Variants in SAMMSON observed in about 807,000 individuals in gnomAD.
SAMMSON encodes survival associated mitochondrial melanoma specific oncogenic non-coding RNA, also known as long intergenic non-protein coding RNA 1212.
intron 4 of SAMMSON, among the ~76,000 whole-genome samples, chr3:70,117,372 A>G (rs562770182): frequency 6.6e-6 from 1 of 152,360 alleles, no homozygotes; most frequent in South Asian, 2.1e-4. Flanking sequence ...GAATGGAAAT[A>G]TGACATTCAT....
At chr3:70,429,694 G>A (rs977451438) in intron 2 of SAMMSON, among the ~76,000 whole-genome samples, 2 of 152,150 alleles carry the variant, frequency 1.3e-5, no homozygotes, top group African/African-American at 4.8e-5. Context: ...TCCCTTGGAA[G>A]TTGGATTCCT....
intron 9 of SAMMSON, among the ~76,000 whole-genome samples, chr3:70,388,714 C>G (rs757368894): frequency 3.3e-5 from 5 of 152,066 alleles, no homozygotes; most frequent in African/African-American, 1.2e-4. Context: ...GAACATGATG[C>G]CTTTAGTTGG....
chr3:70,395,301 T>TTCTCC (rs1161273252), intron 2 of SAMMSON, among the ~76,000 whole-genome samples: 28 of 149,482 alleles, frequency 1.9e-4, no homozygotes, highest in Admixed American at 1.8e-3. Flanking sequence ...TGCATCTGAG[T>TTCTCC]TCTCCTCTCC....
At chr3:70,229,622 G>A (rs965115172) in intron 4 of SAMMSON, among the ~76,000 whole-genome samples, 5 of 152,060 alleles carry the variant, frequency 3.3e-5, no homozygotes, top group African/African-American at 4.8e-5. Flanking sequence ...GATTCTTCAC[G>A]TTTTATTCTC....
chr3:70,434,269 A>G (rs963528972), intron 2 of SAMMSON, among the ~76,000 whole-genome samples: 16 of 152,136 alleles, frequency 1.1e-4, no homozygotes, highest in African/African-American at 3.6e-4. Context: ...TATATGGAGT[A>G]TTTTTTCTTA....
At chr3:70,035,043 G>A (rs150678315) in intron 3 of SAMMSON, among the ~76,000 whole-genome samples, 14 of 152,172 alleles carry the variant, frequency 9.2e-5, no homozygotes, top group African/African-American at 2.4e-4. Context: ...TGGATTCTCC[G>A]TTTAGGATCT....
chr3:70,186,976 TCTC>T (rs1481564301), intron 4 of SAMMSON, among the ~76,000 whole-genome samples: 2 of 152,152 alleles, frequency 1.3e-5, no homozygotes, highest in Non-Finnish European at 2.9e-5. Context: ...GTCAATGTCT[TCTC>T]CTGTTCTAGC....
At chr3:70,278,496 G>T (rs138207949) in intron 6 of SAMMSON, among the ~76,000 whole-genome samples, 1 of 152,218 alleles carries the variant, frequency 6.6e-6, no homozygotes, top group Non-Finnish European at 1.5e-5. Flanking sequence ...TTCCAGAATG[G>T]TCCCAATTTA....
intron 4 of SAMMSON, among the ~76,000 whole-genome samples, chr3:70,210,738 C>A (rs754965595): frequency 4.0e-5 from 6 of 151,660 alleles, no homozygotes; most frequent in Non-Finnish European, 8.8e-5. Flanking sequence ...TAGTTAAAAA[C>A]AAACCAAAAT....
intron 4 of SAMMSON, among the ~76,000 whole-genome samples, chr3:70,212,326 A>T (rs1406484373): frequency 6.6e-6 from 1 of 152,090 alleles, no homozygotes; most frequent in African/African-American, 2.4e-5. Flanking sequence ...TTCAATTATG[A>T]TGCCTCTTTC....
At chr3:70,249,383 G>A (rs138891447) in intron 5 of SAMMSON, among the ~76,000 whole-genome samples, 2 of 152,222 alleles carry the variant, frequency 1.3e-5, no homozygotes, top group African/African-American at 4.8e-5. Flanking sequence ...GTGCAAATAT[G>A]AGCATTGATT....
At chr3:70,143,644 G>T (rs1245607045) in intron 4 of SAMMSON, among the ~76,000 whole-genome samples, 1 of 152,096 alleles carries the variant, frequency 6.6e-6, no homozygotes, top group Non-Finnish European at 1.5e-5. Context: ...TAACACTCCA[G>T]CAGTTTGCTG....
intron 6 of SAMMSON, among the ~76,000 whole-genome samples, chr3:70,284,916 G>A (rs926370744): frequency 1.3e-5 from 2 of 152,070 alleles, no homozygotes; most frequent in African/African-American, 4.8e-5. Flanking sequence ...AAACAAAAAA[G>A]AGTAAATGGC....
At chr3:70,032,492 C>G (rs1576103153) in intron 3 of SAMMSON, among the ~76,000 whole-genome samples, 1 of 152,158 alleles carries the variant, frequency 6.6e-6, no homozygotes, top group Admixed American at 6.5e-5. Context: ...TCTTAAATTA[C>G]AAAGGCTGGG....
intron 4 of SAMMSON, among the ~76,000 whole-genome samples, chr3:70,109,959 A>C (rs2067381851): frequency 6.6e-6 from 1 of 152,242 alleles, no homozygotes; most frequent in African/African-American, 2.4e-5. Context: ...ACTATGGTGA[A>C]AAGCACCATT....
At chr3:70,156,411 A>G (rs1240482403) in intron 4 of SAMMSON, among the ~76,000 whole-genome samples, 1 of 152,090 alleles carries the variant, frequency 6.6e-6, no homozygotes, top group African/African-American at 2.4e-5. Context: ...AGTCACACAC[A>G]CAGTCAGTGT....
chr3:70,180,413 T>G (rs1701043401), intron 4 of SAMMSON, among the ~76,000 whole-genome samples: 1 of 152,182 alleles, frequency 6.6e-6, no homozygotes, highest in Non-Finnish European at 1.5e-5. Flanking sequence ...CTGTATATAC[T>G]ACCTACATAT....
At chr3:70,108,423 C>CTTTTTTTTTTTTTTTTTTTTTTTG (rs61561713) in intron 4 of SAMMSON, among the ~76,000 whole-genome samples, 1 of 89,376 alleles carries the variant, frequency 1.1e-5, no homozygotes, top group Non-Finnish European at 2.2e-5. Flanking sequence ...CTTGCGGTTC[C>CTTTTTTTTTTTTTTTTTTTTTTTG]TTTTTTTTTT....
intron 4 of SAMMSON, among the ~76,000 whole-genome samples, chr3:70,100,630 A>G (rs2067340832): frequency 6.6e-6 from 1 of 152,298 alleles, no homozygotes; most frequent in African/African-American, 2.4e-5. Flanking sequence ...AACTCATCGA[A>G]GAACTTCCAA....
Sources: gnomAD v4.1 joint callset for allele counts (sites outside exome capture counted in the v4.1 genomes callset) on GRCh38, gnomAD v4.1.1 for gene constraint, MANE v1.5 for transcripts, NCBI Gene and HGNC (gene_info 2026-07-23, HGNC 2026-07-21) for gene names.